ELN: variants seen among roughly 807,000 people sequenced by gnomAD.
ELN encodes the protein elastin.
A neutral mutation model predicts 105.8 loss-of-function variants in ELN; 65 were observed. That is an observed-to-expected ratio of 0.61 (90% CI 0.50 to 0.75). ELN has a LOEUF of 0.75. ELN is among the 30% of genes least tolerant of loss of function. The probability of loss-of-function intolerance (pLI) is 0.00; values close to 1 mark genes in which losing one functional copy is unlikely to be tolerated. For missense variants in ELN, 882 were observed against 969.4 expected, an observed-to-expected ratio of 0.91 and a Z score of 1.20; for synonymous variants, 368 against 389.2, an observed-to-expected ratio of 0.95 and a Z score of 0.64.
Position 74,042,580 on chromosome 7 carries a change from A to G in ELN, c.233-34A>G, listed in dbSNP as rs372594909. On this transcript the variant is annotated intron_variant, in intron 5 of 32. Coordinates refer to ENST00000252034, the MANE Select transcript of ELN (RefSeq NM_000501.4). ...GCGTAGGAGTCTTCATAGGTGTGGTAGCTCAGGACCTCACCCCATCCTCCC... is the reference window on the plus strand; with the variant it reads ...GCGTAGGAGTCTTCATAGGTGTGGTGGCTCAGGACCTCACCCCATCCTCCC... 4 of 1,594,712 alleles carry G rather than the reference A, an allele frequency of 2.5e-6. No homozygotes were observed. In the African/African-American group the frequency reaches 5.4e-5, roughly 21 times the overall value.
At chr7:74,028,578 G>A (rs1471350890) in intron 1 of ELN, among the ~76,000 whole-genome samples, 1 of 152,188 alleles carries the variant, frequency 6.6e-6, no homozygotes, top group Non-Finnish European at 1.5e-5. Flanking sequence ...GGGGATCAGA[G>A]CATCCTGGGG....
Position 74,033,524 on chromosome 7 carries a change from C to T in ELN, c.83-1840C>T, listed in dbSNP as rs981332464. Among the ~76,000 whole-genome samples, 5 of 152,354 alleles carry T rather than the reference C, an allele frequency of 3.3e-5. No homozygotes were observed. In the East Asian group the frequency reaches 7.7e-4, roughly 24 times the overall value. ...CCCAGCCCCCCTGGGGCCACCACTC[C>T]GAGCCTTGAGGTTCTGACCAGATTA... On this transcript the variant is annotated intron_variant, in intron 1 of 32. Coordinates refer to ENST00000252034, the MANE Select transcript of ELN (RefSeq NM_000501.4).
In ELN at chr7:74,046,236, G is replaced by A. The variant is rs782231377; in HGVS notation, c.571+19G>A. On this transcript the variant is annotated intron_variant, in intron 11 of 32. Transcript: ENST00000252034. ...ATCCCAGGTGAGGCAAGGCTGGTGG[G>A]AGAAGCAGGGTGGCCAGCCAGGCAG... 54 of 1,614,054 alleles carry A rather than the reference G, an allele frequency of 3.3e-5. 1 individual carries two copies. The South Asian group carries it at 5.8e-4, about 17-fold the overall frequency.
chr7:74,065,766 C>T, intron 30 of ELN, 34 bp downstream of exon 30: 4 of 1,613,952 alleles, frequency 2.5e-6, no homozygotes, highest in Non-Finnish European at 3.4e-6. Context: ...CTGCCAGTGG[C>T]CTGCACCCCC....
intron 3 of ELN, 52 bp downstream of exon 3, chr7:74,036,636 C>T (rs782553474): frequency 5.6e-6 from 9 of 1,612,888 alleles, no homozygotes; most frequent in Admixed American, 3.3e-5. Context: ...GGGTTTCACC[C>T]GAGCCACATG....
At chr7:74,056,624 A>C in intron 20 of ELN, 48 bp from the exon 21 acceptor site, 1 of 1,613,354 alleles carries the variant, frequency 6.2e-7, no homozygotes, top group Non-Finnish European at 8.5e-7. Flanking sequence ...CTCGGAGGAG[A>C]CCCAGGCACG....
rs182656699 is a variant in ELN, at chr7:74,063,738, A to G, written c.1993+43A>G. On this transcript the variant is annotated intron_variant, in intron 29 of 32. Coordinates refer to ENST00000252034, the MANE Select transcript of ELN (RefSeq NM_000501.4). This position sits in a 1 kb window ranked among gnomAD's most constrained non-coding sequence, Gnocchi z 4.1. ...ATCAGTGAGTGTGTGTGGTGTGTGT[A>G]TGCGAGACAGAGATGGAGACAGAGA... The G allele has an allele frequency of 6.4e-5, 104 of 1,612,650 alleles. 1 individual carries two copies. In the Middle Eastern group the frequency reaches 1.7e-3, roughly 26 times the overall value.
intron 21 of ELN, chr7:74,057,302 T>C (rs1342630637): frequency 1.7e-6 from 2 of 1,198,436 alleles, no homozygotes; most frequent in African/African-American, 3.1e-5. Flanking sequence ...CTCTTCTTCC[T>C]CCGATTCTCC....
chr7:74,063,027 T>A lies in ELN; in HGVS notation c.1787-126T>A. The A allele has an allele frequency of 8.2e-7, 1 of 1,214,616 alleles. No homozygotes were observed. The highest frequency in any genetic ancestry group is 1.2e-6 in the Non-Finnish European group (1 of 867,236). 75.2% of individuals were successfully genotyped at this position (1,214,616 alleles called of 1,614,324 possible). A position where few individuals can be genotyped will look rare whatever the true frequency, so the allele number is the denominator to read the frequency against. On this transcript the variant is annotated intron_variant, in intron 26 of 32. Coordinates refer to ENST00000252034, the MANE Select transcript of ELN (RefSeq NM_000501.4). The surrounding 1 kb of genome is among the most constrained non-coding windows in gnomAD (Gnocchi z 4.1). ...AAATGAAACAAAATATGGACTGGAC[T>A]TCCTGTCCACTGCTCCTCCACAGTG... is the stretch of plus-strand genomic sequence containing the variant.
At chr7:74,059,812 C>T (rs1391830834) in intron 22 of ELN, 74 bp from the exon 23 acceptor site, 3 of 839,526 alleles carry the variant, frequency 3.6e-6, no homozygotes, top group African/African-American at 1.7e-5. Flanking sequence ...GCCGAGGCTC[C>T]AGCCCTCTTT....
rs1217755466 is a variant in ELN at position 74,068,640 on chromosome 7, C to T, written c.2132-17C>T. 6.2e-7 allele frequency: 1 copy of T among 1,614,028 alleles called. No homozygotes were observed. Among genetic ancestry groups the T allele is most frequent in the Admixed American group, 1.7e-5 (1 of 60,002 alleles). On this transcript the variant is annotated splice_polypyrimidine_tract_variant and intron_variant, in intron 32 of 32. Transcript: ENST00000252034. Reference sequence around the variant, plus strand: ...GAGGGGCCGGACTCACAGTGATGTGCACCTCCTCCCGTCCAGGTGGGGCCT... The same window carrying T: ...GAGGGGCCGGACTCACAGTGATGTGTACCTCCTCCCGTCCAGGTGGGGCCT...
intron 1 of ELN, among the ~76,000 whole-genome samples, chr7:74,031,565 C>T (rs1554662234): frequency 6.6e-6 from 1 of 151,982 alleles, no homozygotes; most frequent in African/African-American, 2.4e-5. Context: ...CAGAAGGAGC[C>T]TTGAGAAATC....
chr7:74,053,170 T>C lies in ELN; in HGVS notation c.957T>C (p.Ala319=), dbSNP rs1794473071. The part of the protein sequence containing the change: ...AAAKAAKYGA[A]AGLVPGGPGF... ...ATGCTTTTTCTTCCACAGGAGCTGC[T>C]GCAGGCTTAGTGCCTGGTGGGCCAG... The change falls in exon 18 of 33, where the codon GCT becomes GCC. Residue 319 remains alanine, a synonymous_variant. Coordinates refer to ENST00000252034, the MANE Select transcript of ELN (RefSeq NM_000501.4). 6.2e-7 allele frequency: 1 copy of C among 1,614,220 alleles called. No homozygotes were observed. The highest frequency in any genetic ancestry group is 8.5e-7 in the Non-Finnish European group (1 of 1,180,028).
intron 11 of ELN, 130 bp from the exon 12 acceptor site, chr7:74,046,566 G>A (rs188360189): frequency 6.4e-6 from 6 of 937,968 alleles, no homozygotes; most frequent in Non-Finnish European, 1.0e-5. Context: ...GAGATTCAGG[G>A]AGTCCCTCGA....
intron 1 of ELN, among the ~76,000 whole-genome samples, chr7:74,031,550 G>T (rs1788652410): frequency 6.6e-6 from 1 of 152,072 alleles, no homozygotes; most frequent in South Asian, 2.1e-4. Flanking sequence ...TCGGTTGGGG[G>T]TGGCCAGAAG....
Position 74,059,902 on chromosome 7 carries a change from C to A in ELN, c.1431C>A (p.Val477=). 1 of 1,396,160 alleles carries A rather than the reference C, an allele frequency of 7.2e-7. No homozygotes were observed. The highest frequency in any genetic ancestry group is 1.0e-6 in the Non-Finnish European group (1 of 981,256). 86.5% of individuals were successfully genotyped at this position (1,396,160 alleles called of 1,614,324 possible). The stretch of plus-strand genomic sequence containing the variant: ...ATCTTGCAGGGTTAGTTCCTGGTGT[C>A]GGCGTGGCTCCTGGAGTTGGCGTGG... The part of the protein sequence containing the change: ...KAAQFGLVPG[V]GVAPGVGVAP... Residue 477 remains valine, a synonymous_variant, in exon 23 of 33, where the codon GTC becomes GTA. Transcript: ENST00000252034.
intron 1 of ELN, among the ~76,000 whole-genome samples, chr7:74,028,475 G>A (rs1482376890): frequency 1.3e-5 from 2 of 152,182 alleles, no homozygotes; most frequent in Admixed American, 6.5e-5. Context: ...AGACACCCTC[G>A]ACTCAGAATA....
In ELN at chr7:74,063,596, G is replaced by C; in HGVS notation, c.1919-25G>C. ...CAGTCCCACCTTTCTGACCAGCGGA[G>C]TCTAATGCTCAGCTGTCTCCACAGG... On this transcript the variant is annotated intron_variant, in intron 28 of 32. Transcript: ENST00000252034. This position sits in a 1 kb window ranked among gnomAD's most constrained non-coding sequence, Gnocchi z 4.1. 6.2e-7 allele frequency: 1 copy of C among 1,614,200 alleles called. No homozygotes were observed. The highest frequency in any genetic ancestry group is 1.1e-5 in the South Asian group (1 of 91,082).
At chr7:74,061,280 G>C (rs1159020739) in intron 26 of ELN, 141 bp downstream of exon 26, 1 of 1,009,970 alleles carries the variant, frequency 9.9e-7, no homozygotes, top group Non-Finnish European at 1.5e-6. Flanking sequence ...ACTTTGGGAG[G>C]CCGAGGCAGG....
Sources: allele counts gnomAD v4.1 joint callset (sites outside exome capture counted in the v4.1 genomes callset), GRCh38; gene constraint gnomAD v4.1.1; non-coding constraint Gnocchi (gnomAD v3.1); transcripts MANE v1.5; gene names NCBI Gene and HGNC (gene_info 2026-07-23, HGNC 2026-07-21).